The following CDH12 variants were observed in gnomAD, a reference collection of about 807,000 sequenced individuals.
CDH12 encodes the protein cadherin-12.
In CDH12, 41 loss-of-function variants were observed where a neutral mutation model predicts 74.1. That is an observed-to-expected ratio of 0.55 (90% CI 0.43 to 0.72). The LOEUF is 0.72. CDH12 is among the 30% of genes least tolerant of loss of function. The pLI is 0.00. For missense variants in CDH12, 945 were observed against 977.2 expected (o/e 0.97, Z 0.44); for synonymous variants, 399 against 355.0 (o/e 1.12, Z -1.39).
intron 1 of CDH12, among the ~76,000 whole-genome samples, chr5:22,837,961 A>C (rs1251181883): frequency 6.6e-6 from 1 of 152,214 alleles, no homozygotes; most frequent in Non-Finnish European, 1.5e-5. Context: ...AGATTCCTCT[A>C]CCCGATGGTT....
chr5:22,301,667 T>C (rs1236580283), intron 3 of CDH12, among the ~76,000 whole-genome samples: 3 of 152,026 alleles, frequency 2.0e-5, no homozygotes, highest in Non-Finnish European at 4.4e-5. Context: ...GGTTTTGCTC[T>C]GTCATTCAGG....
chr5:22,629,499 AAAAAC>A (rs1176438279), intron 1 of CDH12, among the ~76,000 whole-genome samples: 7 of 152,272 alleles, frequency 4.6e-5, no homozygotes, highest in Admixed American at 2.0e-4. Context: ...AAACAGAACT[AAAAAC>A]AAAACCACAC....
At chr5:22,710,657 G>C (rs921627004) in intron 1 of CDH12, among the ~76,000 whole-genome samples, 5 of 152,116 alleles carry the variant, frequency 3.3e-5, no homozygotes, top group Admixed American at 2.0e-4. Flanking sequence ...AGCACTACCA[G>C]AAAGGAGGCA....
chr5:22,240,334 A>T (rs1018360858), intron 3 of CDH12, among the ~76,000 whole-genome samples: 2 of 152,106 alleles, frequency 1.3e-5, no homozygotes, highest in African/African-American at 4.8e-5. Context: ...TAGTGTAACT[A>T]CTCTCATGTC....
At chr5:22,318,978 A>T (rs1738747954) in intron 3 of CDH12, among the ~76,000 whole-genome samples, 1 of 152,178 alleles carries the variant, frequency 6.6e-6, no homozygotes, top group Non-Finnish European at 1.5e-5. Context: ...AGGGCCTGGA[A>T]AAAAGCATAA....
intron 1 of CDH12, among the ~76,000 whole-genome samples, chr5:22,756,527 G>C (rs184435885): frequency 7.9e-5 from 12 of 152,076 alleles, no homozygotes; most frequent in Admixed American, 1.3e-4. Flanking sequence ...GACTTATTTT[G>C]TTATCCAAAT....
At chr5:22,760,199 C>T (rs1228693564) in intron 1 of CDH12, among the ~76,000 whole-genome samples, 1 of 152,090 alleles carries the variant, frequency 6.6e-6, no homozygotes, top group Non-Finnish European at 1.5e-5. Context: ...GAGAAGTTGA[C>T]AGCTGACATG....
intron 4 of CDH12, among the ~76,000 whole-genome samples, chr5:22,084,590 T>C (rs938549013): frequency 2.6e-5 from 4 of 152,164 alleles, no homozygotes; most frequent in African/African-American, 9.7e-5. Flanking sequence ...TGTGAGTGCA[T>C]TTCCTCACTC....
At chr5:22,535,312 G>A (rs1386947101) in intron 1 of CDH12, among the ~76,000 whole-genome samples, 2 of 151,612 alleles carry the variant, frequency 1.3e-5, no homozygotes. Flanking sequence ...CCGCTACCAC[G>A]CCCGGCTAAT....
At chr5:22,698,097 C>T (rs1742473745) in intron 1 of CDH12, among the ~76,000 whole-genome samples, 1 of 145,836 alleles carries the variant, frequency 6.9e-6, no homozygotes, top group Non-Finnish European at 1.5e-5. Context: ...GGTTACATTC[C>T]CTTAATGCCC....
In CDH12 at chr5:22,497,915, T is replaced by C. The variant is rs367751566; in HGVS notation, c.-428+7355A>G. On this transcript the variant is annotated intron_variant, in intron 2 of 14. Transcript: ENST00000382254. ...AACTCAGTCTCCCAAAGTGCTGGGA[T>C]TACAGGGATGAGCCAGCGTGAGCCA... Among the ~76,000 whole-genome samples the C allele has an allele frequency of 2.6e-5, 4 of 152,154 alleles. No individual in the cohort carries two copies. In the South Asian group the frequency reaches 8.3e-4, roughly 32 times the overall value.
chr5:22,141,745 A>C (rs540428517), intron 4 of CDH12, among the ~76,000 whole-genome samples: 8 of 152,318 alleles, frequency 5.3e-5, no homozygotes, highest in African/African-American at 1.7e-4. Context: ...TTAGCGATTC[A>C]CTGATTGTGG....
chr5:21,880,638 T>C (rs1431828043), intron 6 of CDH12, among the ~76,000 whole-genome samples: 9 of 114,466 alleles, frequency 7.9e-5, no homozygotes, highest in African/African-American at 2.6e-4. Context: ...TTTCTTTCTT[T>C]CTTTCTTTCT....
At chr5:21,881,191 C>A (rs1579898662) in intron 6 of CDH12, among the ~76,000 whole-genome samples, 1 of 152,168 alleles carries the variant, frequency 6.6e-6, no homozygotes, top group East Asian at 1.9e-4. Flanking sequence ...TATATGATTT[C>A]TTTTGGGAAA....
chr5:22,366,446 A>G (rs936447510), intron 3 of CDH12, among the ~76,000 whole-genome samples: 1 of 152,206 alleles, frequency 6.6e-6, no homozygotes, highest in African/African-American at 2.4e-5. Flanking sequence ...GAACTCTCTT[A>G]TATAACATCT....
At chr5:21,774,785 G>T (rs997495352) in intron 11 of CDH12, among the ~76,000 whole-genome samples, 3 of 152,170 alleles carry the variant, frequency 2.0e-5, no homozygotes, top group African/African-American at 7.2e-5. Flanking sequence ...ATTGAAAGAA[G>T]AAAGGATTGA....
chr5:22,206,741 G>T lies in CDH12; in HGVS notation c.-187+5757C>A, dbSNP rs1751244196. On this transcript the variant is annotated intron_variant, in intron 4 of 14. Transcript: ENST00000382254. ...TTTATTATTTGAATCAATATGCAAAGTATGCAATGGAATACTTTTGCATAT... is the reference window on the plus strand; with the variant it reads ...TTTATTATTTGAATCAATATGCAAATTATGCAATGGAATACTTTTGCATAT... 3.9e-5 allele frequency among the ~76,000 whole-genome samples: 5 copies of T among 128,984 alleles called. No homozygotes were observed. The Admixed American group carries it at 4.0e-4, about 10-fold the overall frequency. The allele number at this position is 128,984 out of a possible 152,430, so 84.6% of individuals were successfully genotyped here.
intron 1 of CDH12, among the ~76,000 whole-genome samples, chr5:22,797,732 T>G (rs1748301365): frequency 6.6e-6 from 1 of 151,938 alleles, no homozygotes; most frequent in South Asian, 2.1e-4. Flanking sequence ...TTACCTCATT[T>G]AAATTGTAAA....
At chr5:22,404,009 A>G (rs983908456) in intron 3 of CDH12, among the ~76,000 whole-genome samples, 1 of 152,096 alleles carries the variant, frequency 6.6e-6, no homozygotes, top group Non-Finnish European at 1.5e-5. Context: ...GTTAAGTTCT[A>G]GTTGGGGAAT....
Sources: gnomAD v4.1 joint callset for allele counts (sites outside exome capture counted in the v4.1 genomes callset) on GRCh38, gnomAD v4.1.1 for gene constraint, MANE v1.5 for transcripts, NCBI Gene and HGNC (gene_info 2026-07-23, HGNC 2026-07-21) for gene names.